The following ENO1 variants were observed in gnomAD, a reference collection of about 807,000 sequenced individuals.
ENO1 encodes alpha-enolase.
In ENO1, 33 loss-of-function variants were observed where a neutral mutation model predicts 46.3. The observed-to-expected ratio is 0.71, with a 90% CI of 0.54 to 0.95. ENO1 has a LOEUF of 0.95. Ranked by LOEUF, ENO1 falls within the 40% of genes least tolerant of loss-of-function variation. ENO1 has a pLI of 0.00. For synonymous variants in ENO1, 220 were observed against 216.0 expected, an observed-to-expected ratio of 1.02 and a Z score of -0.16; for missense variants, 488 against 553.3, an observed-to-expected ratio of 0.88 and a Z score of 1.18.
intron 4 of ENO1, among the ~76,000 whole-genome samples, chr1:8,868,667 T>C (rs532649935): frequency 6.6e-6 from 1 of 152,300 alleles, no homozygotes; most frequent in African/African-American, 2.4e-5. Context: ...CCAATAAAAA[T>C]CAGTATTACT....
At chr1:8,871,773 C>A in intron 3 of ENO1, 118 bp downstream of exon 3, 1 of 1,303,490 alleles carries the variant, frequency 7.7e-7, no homozygotes, top group Non-Finnish European at 1.1e-6. Flanking sequence ...TGGGTCACAG[C>A]AGGTTTACCT....
At chr1:8,866,210 G>A (rs1569901435) in intron 7 of ENO1, 69 bp downstream of exon 7, 2 of 1,402,298 alleles carry the variant, frequency 1.4e-6, no homozygotes, top group East Asian at 2.3e-5. Flanking sequence ...GGCAGGTGTG[G>A]ACGACCCCCC....
intron 7 of ENO1, among the ~76,000 whole-genome samples, chr1:8,865,788 C>CTGAG (rs1158429154): frequency 1.3e-5 from 2 of 152,182 alleles, no homozygotes; most frequent in African/African-American, 4.8e-5. Context: ...CAGTAAGCAG[C>CTGAG]TGAGATCAGC....
intron 3 of ENO1, chr1:8,870,864 C>G (rs1419296512): frequency 7.7e-7 from 1 of 1,304,834 alleles, no homozygotes; most frequent in Admixed American, 3.4e-5. Context: ...CATTAATATA[C>G]TTAATGGGTC....
chr1:8,870,944 A>C (rs564051775), intron 3 of ENO1: 35 of 1,251,508 alleles, frequency 2.8e-5, no homozygotes, highest in African/African-American at 1.4e-4. Context: ...CCGGTGATTA[A>C]GGACTGCGAG....
chr1:8,868,340 CAA>C (rs1232174163), intron 4 of ENO1, among the ~76,000 whole-genome samples: 1 of 152,068 alleles, frequency 6.6e-6, no homozygotes, highest in Non-Finnish European at 1.5e-5. Context: ...CCAGGGAGCC[CAA>C]AGTGACTTTA....
At position 8,867,112 on chromosome 1, in the gene ENO1, C is replaced by T; in HGVS notation, c.444+5G>A. On this transcript the variant is annotated splice_donor_5th_base_variant and intron_variant, in intron 6 of 11. Coordinates refer to ENST00000234590, the MANE Select transcript of ENO1 (RefSeq NM_001428.5). ...TTGCTTGGGAAGTTCCAATAAACCA[C>T]TCACCGGGACTGGCAGGATGACTTC... 6.2e-7 allele frequency: 1 copy of T among 1,611,592 alleles called. No homozygotes were observed. Among genetic ancestry groups the T allele is most frequent in the Non-Finnish European group, 8.5e-7 (1 of 1,177,902 alleles).
intron 5 of ENO1, 98 bp from the exon 6 acceptor site, chr1:8,867,348 TC>T: frequency 1.5e-5 from 22 of 1,486,226 alleles, no homozygotes; most frequent in Non-Finnish European, 2.0e-5. Flanking sequence ...CACCATCTCC[TC>T]CCCCATCACA....
Position 8,871,874 on chromosome 1 carries a change from TG to T in ENO1, c.181+16del, listed in dbSNP as rs1553156586. The T allele has an allele frequency of 1.9e-5, 31 of 1,612,106 alleles. No homozygotes were observed. The highest frequency in any genetic ancestry group is 2.5e-5 in the Non-Finnish European group (30 of 1,178,902). On this transcript the variant is annotated intron_variant, in intron 3 of 11. Coordinates refer to ENST00000234590, the MANE Select transcript of ENO1 (RefSeq NM_001428.5). ...CTGGAAGCAGGGAGGCCATGGGCTG[TG>T]GGTTCTAAGGCTTACCCTTCCCCAT...
chr1:8,863,341 C>A lies in ENO1; in HGVS notation c.1070G>T (p.Cys357Phe). ...CCAACCATTGGCCTGGGCCAGCTTG[C>A]ACCTGGAAGCCAAGGAACAACCCAG... ...IGSVTESLQA[C>F]KLAQANGWGV... The change falls in exon 10 of 12, where the codon TGC becomes TTC. Residue 357 changes from cysteine (C) to phenylalanine (F), a missense_variant and splice_region_variant. Cys to Phe is a radical substitution (Grantham distance 205). Coordinates refer to ENST00000234590, the MANE Select transcript of ENO1 (RefSeq NM_001428.5). 6.2e-7 allele frequency: 1 copy of A among 1,611,848 alleles called. No homozygotes were observed. The highest frequency in any genetic ancestry group is 8.5e-7 in the Non-Finnish European group (1 of 1,179,140).
intron 11 of ENO1, among the ~76,000 whole-genome samples, chr1:8,861,928 A>G (rs1436294714): frequency 1.3e-5 from 2 of 150,926 alleles, no homozygotes; most frequent in African/African-American, 4.9e-5. Context: ...GGCCAGGCAC[A>G]GTGGGAGGAT....
At chr1:8,866,620 G>T in intron 6 of ENO1, 119 bp from the exon 7 acceptor site, 6 of 1,085,268 alleles carry the variant, frequency 5.5e-6, no homozygotes, top group Non-Finnish European at 8.1e-6. Context: ...CTTGCTTCTT[G>T]AGGAGCACCA....
At chr1:8,870,705 C>A (rs987617763) in intron 3 of ENO1, 195 bp from the exon 4 acceptor site, 2 of 1,448,644 alleles carry the variant, frequency 1.4e-6, no homozygotes, top group Non-Finnish European at 1.8e-6. Context: ...TACCTAGGAC[C>A]CCAGAGGGTT....
At chr1:8,872,407 A>G (rs1642652403) in intron 2 of ENO1, among the ~76,000 whole-genome samples, 1 of 151,866 alleles carries the variant, frequency 6.6e-6, no homozygotes, top group Non-Finnish European at 1.5e-5. Context: ...CTTTTGAGAC[A>G]GAATCTCGCT....
In ENO1 at chr1:8,867,977, AG is replaced by A. The variant is rs1277466568; in HGVS notation, c.310+10del. On this transcript the variant is annotated intron_variant, in intron 5 of 11. Coordinates refer to ENST00000234590, the MANE Select transcript of ENO1 (RefSeq NM_001428.5). ...TCTTCCCCAGTAAAGACGCCACCTC[AG>A]GCCACTCACATTTATTTTCTGTTCC... The A allele has an allele frequency of 3.7e-6, 6 of 1,613,120 alleles. No individual in the cohort carries two copies. Among genetic ancestry groups the A allele is most frequent in the Non-Finnish European group, 4.2e-6 (5 of 1,179,342 alleles).
Position 8,867,248 on chromosome 1 carries a change from T to A in ENO1, c.313A>T (p.Lys105Ter). 6.2e-7 allele frequency: 1 copy of A among 1,614,044 alleles called. No homozygotes were observed. The highest frequency in any genetic ancestry group is 8.5e-7 in the Non-Finnish European group (1 of 1,179,960). Residue 105 changes from lysine to a stop codon, truncating the protein, a stop_gained and splice_region_variant, in exon 6 of 12, where the codon AAG becomes TAG. Transcript: ENST00000234590. LOFTEE classifies it high-confidence loss of function. ...CCCAGAATGGCGTTCGCACCAAACT[T>A]AGCTAGAACAGAAGAGAACCGAGTG... is the stretch of plus-strand genomic sequence containing the variant. Reference protein sequence around the residue: ...IEMDGTENKSKFGANAILGVS... With the variant: ...IEMDGTENKS
intron 3 of ENO1, chr1:8,871,207 C>G: frequency 9.5e-7 from 1 of 1,054,690 alleles, no homozygotes; most frequent in Non-Finnish European, 1.1e-6. Flanking sequence ...CCCAGTGTTT[C>G]ACAACCTGAT....
Position 8,870,481 on chromosome 1 carries a change from T to C in ENO1, c.211A>G (p.Lys71Glu). The C allele has an allele frequency of 1.2e-6, 2 of 1,614,208 alleles. No homozygotes were observed. Among genetic ancestry groups the C allele is most frequent in the South Asian group, 2.2e-5 (2 of 91,090 alleles). The change falls in exon 4 of 12, where the codon AAA becomes GAA. Residue 71 changes from lysine (K) to glutamate (E), a missense_variant. Transcript: ENST00000234590. ...GVSKAVEHIN[K>E]TIAPALVSKK... ...CTAACCAGGGCAGGCGCAATAGTTTTATTGATGTGCTCAACAGCCTTTGAG... is the reference window on the plus strand; with the variant it reads ...CTAACCAGGGCAGGCGCAATAGTTTCATTGATGTGCTCAACAGCCTTTGAG...
chr1:8,875,112 T>C (rs1642708998), intron 1 of ENO1, among the ~76,000 whole-genome samples, 195 bp from the exon 2 acceptor site: 1 of 152,162 alleles, frequency 6.6e-6, no homozygotes, highest in African/African-American at 2.4e-5. Flanking sequence ...ATTAAGTAGT[T>C]AGGGCCTAGC....
Sources: gnomAD v4.1 joint callset for allele counts (sites outside exome capture counted in the v4.1 genomes callset) on GRCh38, gnomAD v4.1.1 for gene constraint, MANE v1.5 for transcripts, NCBI Gene and HGNC (gene_info 2026-07-23, HGNC 2026-07-21) for gene names.